Variants in SIRPD observed in about 807,000 individuals in gnomAD.
SIRPD encodes signal regulatory protein delta.
Under a neutral mutation model 18.0 loss-of-function variants are expected in SIRPD, and 21 were observed. The ratio of observed to expected loss-of-function variants is 1.17; its 90% CI spans 0.83 to 1.68. The LOEUF is 1.68. Among genes scored for constraint, SIRPD ranks in the 40% most tolerant of loss-of-function variants. The pLI is 0.00. For missense variants in SIRPD, 295 were observed against 238.4 expected (o/e 1.24, Z -1.56); for synonymous variants, 106 against 92.9 (o/e 1.14, Z -0.81).
chr20:1,540,174 T>C (rs191690442), intron 2 of SIRPD: 2 of 390,084 alleles, frequency 5.1e-6, no homozygotes, highest in Admixed American at 6.9e-5. Flanking sequence ...AGATTTATTC[T>C]ATGCTGCTGA....
At chr20:1,546,502 T>G (rs2090994180) in intron 2 of SIRPD, among the ~76,000 whole-genome samples, 1 of 152,228 alleles carries the variant, frequency 6.6e-6, no homozygotes, top group African/African-American at 2.4e-5. Context: ...TTGATAGATG[T>G]TTGGATTGTT....
rs898429926 is a variant in SIRPD, at chr20:1,534,355, G to C, written c.*70C>G. ...AGGCAAATGAAACTCCTAAAAAGTA[G>C]CTGTCTCCAGGGAGTCAGAAGAGTA... On this transcript the variant is annotated 3_prime_UTR_variant, in exon 4 of 4. Coordinates refer to ENST00000381623, the MANE Select transcript of SIRPD (RefSeq NM_178460.3). 2 of 1,592,508 alleles carry C rather than the reference G, an allele frequency of 1.3e-6. No individual in the cohort carries two copies. Among genetic ancestry groups the C allele is most frequent in the Non-Finnish European group, 8.5e-7 (1 of 1,171,246 alleles).
intron 2 of SIRPD, among the ~76,000 whole-genome samples, chr20:1,551,488 T>C (rs1240393169): frequency 6.6e-6 from 1 of 152,228 alleles, no homozygotes; most frequent in Non-Finnish European, 1.5e-5. Flanking sequence ...ATAGCTCTTA[T>C]CACTCATCAC....
At chr20:1,546,725 T>A (rs919731792) in intron 2 of SIRPD, among the ~76,000 whole-genome samples, 2 of 152,246 alleles carry the variant, frequency 1.3e-5, no homozygotes, top group African/African-American at 4.8e-5. Context: ...AGGTTTACAA[T>A]TCCTCTACAT....
At chr20:1,536,402 GTTTTT>G (rs11340259) in intron 3 of SIRPD, among the ~76,000 whole-genome samples, 1 of 137,244 alleles carries the variant, frequency 7.3e-6, no homozygotes, top group Non-Finnish European at 1.6e-5. Context: ...CCGGCCTGTC[GTTTTT>G]TTTTTTTTTT....
chr20:1,543,201 G>A (rs1430163157), intron 2 of SIRPD, among the ~76,000 whole-genome samples: 2 of 152,168 alleles, frequency 1.3e-5, no homozygotes, highest in African/African-American at 2.4e-5. Flanking sequence ...AGTTTTAGAA[G>A]GAATGGTATC....
intron 3 of SIRPD, among the ~76,000 whole-genome samples, chr20:1,536,393 C>T (rs1427592335): frequency 2.6e-5 from 3 of 113,636 alleles, no homozygotes; most frequent in Admixed American, 1.1e-4. Flanking sequence ...ATTTGAACCC[C>T]GGCCTGTCGT....
chr20:1,538,053 C>G (rs1436524381), intron 2 of SIRPD, among the ~76,000 whole-genome samples: 3 of 152,284 alleles, frequency 2.0e-5, no homozygotes, highest in East Asian at 1.9e-4. Context: ...TACATCTCCT[C>G]TCCTCCTTCT....
chr20:1,556,877 C>T (rs1242776911), intron 1 of SIRPD, among the ~76,000 whole-genome samples: 1 of 152,160 alleles, frequency 6.6e-6, no homozygotes, highest in Non-Finnish European at 1.5e-5. Context: ...TTTAAACCAC[C>T]CAGTTTGCAG....
intron 2 of SIRPD, among the ~76,000 whole-genome samples, chr20:1,545,491 T>C (rs1268808977): frequency 6.6e-6 from 1 of 152,232 alleles, no homozygotes; most frequent in African/African-American, 2.4e-5. Flanking sequence ...TTCTCTAAAC[T>C]GGTTATTCTA....
In SIRPD at chr20:1,551,595, A is replaced by G. The variant is rs577188243; in HGVS notation, c.421+96T>C. On this transcript the variant is annotated intron_variant, in intron 2 of 3. Transcript: ENST00000381623. ...TCAAATGTATGTTGTACCTTCAATA[A>G]TATTTGGCACATAGCAATTATTGAA... 613 of 935,046 alleles carry G rather than the reference A, an allele frequency of 6.6e-4. 1 individual carries two copies. The highest frequency in any genetic ancestry group is 8.1e-4 in the Non-Finnish European group (499 of 614,620). The allele number at this position is 935,046 out of a possible 1,614,324, so 57.9% of individuals were successfully genotyped here. A position where few individuals can be genotyped will look rare whatever the true frequency, so the allele number is the denominator to read the frequency against.
At chr20:1,535,095 T>A (rs186572545) in intron 3 of SIRPD, among the ~76,000 whole-genome samples, 1 of 152,312 alleles carries the variant, frequency 6.6e-6, no homozygotes, top group African/African-American at 2.4e-5. Context: ...GAGATTGAAA[T>A]GATAGTGTTG....
At chr20:1,552,070 C>T in intron 1 of SIRPD, 32 bp from the exon 2 acceptor site, 2 of 1,584,774 alleles carry the variant, frequency 1.3e-6, no homozygotes, top group East Asian at 4.5e-5. Context: ...TTTCTCATTT[C>T]CCCTGTTCTG....
At chr20:1,557,550 C>T in intron 1 of SIRPD, 31 bp downstream of exon 1, 1 of 1,491,562 alleles carries the variant, frequency 6.7e-7, no homozygotes, top group Non-Finnish European at 9.0e-7. Flanking sequence ...GGGGAGAACC[C>T]ACCACACACA....
chr20:1,546,350 C>A (rs1434160165), intron 2 of SIRPD, among the ~76,000 whole-genome samples: 2 of 152,144 alleles, frequency 1.3e-5, no homozygotes, highest in Non-Finnish European at 2.9e-5. Context: ...AATAAGTGAC[C>A]TTTTGTGATT....
intron 3 of SIRPD, among the ~76,000 whole-genome samples, chr20:1,536,747 C>T (rs930379618): frequency 3.3e-5 from 5 of 152,192 alleles, no homozygotes; most frequent in Non-Finnish European, 7.4e-5. Flanking sequence ...TTAATGACAG[C>T]ATCCCTGTCT....
Position 1,557,623 on chromosome 20 carries a change from G to A in SIRPD, c.31C>T (p.Pro11Ser). The A allele has an allele frequency of 6.2e-7, 1 of 1,607,220 alleles. No homozygotes were observed. The highest frequency in any genetic ancestry group is 8.5e-7 in the Non-Finnish European group (1 of 1,176,720). MPIPASPLHP[P>S]LPSLLLYLLL... is the part of the protein sequence containing the mutation. ...AGATACAGCAGTAAGGAAGGCAGAG[G>A]TGGGTGGAGTGGGGAGGCAGGGATG... is the stretch of plus-strand genomic sequence containing the variant. Residue 11 changes from proline to serine, a missense_variant, in exon 1 of 4, where the codon CCT becomes TCT. Physicochemically the swap from Pro to Ser is moderately conservative, Grantham distance 74 (BLOSUM62 -1). Transcript: ENST00000381623.
intron 2 of SIRPD, among the ~76,000 whole-genome samples, chr20:1,549,923 A>T (rs1019858146): frequency 3.3e-5 from 5 of 152,178 alleles, no homozygotes; most frequent in African/African-American, 1.2e-4. Flanking sequence ...ATTTATTAAG[A>T]AATGGCATAA....
At chr20:1,556,442 A>G (rs970609006) in intron 1 of SIRPD, among the ~76,000 whole-genome samples, 4 of 152,250 alleles carry the variant, frequency 2.6e-5, no homozygotes, top group Non-Finnish European at 2.9e-5. Context: ...AACAAAGAAT[A>G]TATCTAAGTT....
Sources: allele counts gnomAD v4.1 joint callset (sites outside exome capture counted in the v4.1 genomes callset), GRCh38; gene constraint gnomAD v4.1.1; transcripts MANE v1.5; gene names NCBI Gene and HGNC (gene_info 2026-07-23, HGNC 2026-07-21).